The following LRP8 variants were observed in gnomAD, a reference collection of about 807,000 sequenced individuals.
The protein encoded by LRP8 is low-density lipoprotein receptor-related protein 8.
A neutral mutation model predicts 111.6 loss-of-function variants in LRP8; 46 were observed. The observed-to-expected ratio is 0.41, with a 90% CI of 0.33 to 0.53. The LOEUF is 0.53. Ranked by LOEUF, LRP8 falls within the 20% of genes least tolerant of loss-of-function variation. LRP8 has a pLI of 0.20. For missense variants in LRP8, 959 were observed against 1,297.4 expected (o/e 0.74, Z 4.01); for synonymous variants, 464 against 511.2 (o/e 0.91, Z 1.24).
chr1:53,262,394 A>G lies in LRP8; in HGVS notation c.1774+52T>C. The G allele has an allele frequency of 2.6e-6, 4 of 1,566,440 alleles. No homozygotes were observed. Among genetic ancestry groups the G allele is most frequent in the Non-Finnish European group, 3.5e-6 (4 of 1,138,398 alleles). ...AAGACTCATGGAGTTCCAGACAGTG[A>G]TCAGGACAAGGCACTAGAATAGGCC... On this transcript the variant is annotated intron_variant, in intron 11 of 18. Coordinates refer to ENST00000306052, the MANE Select transcript of LRP8 (RefSeq NM_004631.5). This position sits in a 1 kb window ranked among gnomAD's most constrained non-coding sequence, Gnocchi z 4.8.
chr1:53,272,880 C>T (rs1415450379), intron 6 of LRP8, among the ~76,000 whole-genome samples: 1 of 152,228 alleles, frequency 6.6e-6, no homozygotes, highest in Non-Finnish European at 1.5e-5. Context: ...TGCATCCACT[C>T]GCCTCCTTCC....
rs13328658 is a variant in LRP8, at chr1:53,250,719, T to G, written c.2647A>C (p.Thr883Pro). The G allele has an allele frequency of 5.1e-5, 82 of 1,614,016 alleles. No homozygotes were observed. The highest frequency in any genetic ancestry group is 6.7e-5 in the Non-Finnish European group (79 of 1,179,966). ...GGATAGACATGGCCAATCTGAGCAG[T>G]TCTCCCTATATGGAGCTCATCTTCG... Reference protein sequence around the residue: ...EDEDELHIGRTAQIGHVYPAA... With the variant: ...EDEDELHIGRPAQIGHVYPAA... Residue 883 changes from threonine to proline, a missense_variant, in exon 17 of 19, where the codon ACT becomes CCT. Physicochemically the swap from Thr to Pro is conservative, Grantham distance 38. Around this residue, in one of 3 missense-constraint regions of LRP8, gnomAD observed 819 missense variants for 1,097.6 expected, o/e 0.75. Transcript: ENST00000306052. The surrounding 1 kb of genome is among the most constrained non-coding windows in gnomAD (Gnocchi z 4.6).
rs185252155 is a variant in LRP8, at chr1:53,246,673, A to G, written c.*345T>C. ...CAGCAACCAAACATCTTCTGTAAAT[A>G]TAGTTTTTAAATGATGAGTAAGGTA... On this transcript the variant is annotated 3_prime_UTR_variant, in exon 19 of 19. Coordinates refer to ENST00000306052, the MANE Select transcript of LRP8 (RefSeq NM_004631.5). The G allele has an allele frequency of 3.4e-4, 68 of 200,498 alleles. No individual in the cohort carries two copies. The highest frequency in any genetic ancestry group is 2.4e-3 in the Admixed American group (40 of 16,670). 12.4% of individuals were successfully genotyped at this position (200,498 alleles called of 1,614,324 possible). A position where few individuals can be genotyped will look rare whatever the true frequency, so the allele number is the denominator to read the frequency against.
chr1:53,289,076 G>A (rs1317662365), intron 3 of LRP8, among the ~76,000 whole-genome samples: 1 of 152,214 alleles, frequency 6.6e-6, no homozygotes, highest in African/African-American at 2.4e-5. Context: ...GTAGCCTTGG[G>A]CAAGTCACTC....
intron 3 of LRP8, among the ~76,000 whole-genome samples, chr1:53,284,160 G>A (rs1647222864): frequency 1.3e-5 from 1 of 75,686 alleles, no homozygotes; most frequent in Non-Finnish European, 2.5e-5. Context: ...CTACATACCC[G>A]GGCCGCTTAC....
intron 16 of LRP8, among the ~76,000 whole-genome samples, chr1:53,254,881 AAT>A (rs1358070019): frequency 2.6e-5 from 4 of 152,004 alleles, no homozygotes; most frequent in Non-Finnish European, 5.9e-5. Flanking sequence ...GTAGAGTGTG[AAT>A]CGAGGGGTGG....
chr1:53,325,892 G>C (rs568226227), intron 2 of LRP8, among the ~76,000 whole-genome samples: 37 of 152,358 alleles, frequency 2.4e-4, no homozygotes, highest in African/African-American at 7.9e-4. Flanking sequence ...GTCTCTAGGA[G>C]AGCCCTGTTT....
chr1:53,305,314 T>C (rs888048259), intron 2 of LRP8: 1 of 152,194 alleles, frequency 6.6e-6, no homozygotes, highest in African/African-American at 2.4e-5. Context: ...CTAGATCACG[T>C]CTATCAGTGC....
chr1:53,287,526 G>T (rs1647749660), intron 3 of LRP8, among the ~76,000 whole-genome samples: 1 of 152,212 alleles, frequency 6.6e-6, no homozygotes, highest in African/African-American at 2.4e-5. Context: ...AGCTGGAAGA[G>T]CCCACAGGAG....
intron 2 of LRP8, among the ~76,000 whole-genome samples, chr1:53,320,588 C>T (rs188545322): frequency 3.3e-4 from 51 of 152,290 alleles, no homozygotes; most frequent in South Asian, 1.9e-3. Context: ...TCTCAGTTTC[C>T]CCTTCCATAC....
chr1:53,260,714 C>T, intron 12 of LRP8, 109 bp from the exon 13 acceptor site: 1 of 1,077,720 alleles, frequency 9.3e-7, no homozygotes, highest in Non-Finnish European at 1.4e-6. Context: ...GAAATCTCCC[C>T]TGATCTGTCC....
chr1:53,270,715 C>T (rs1188152285), intron 8 of LRP8, among the ~76,000 whole-genome samples: 1 of 152,224 alleles, frequency 6.6e-6, no homozygotes, highest in Non-Finnish European at 1.5e-5. Flanking sequence ...CCCCACTCTG[C>T]GTCACCTTTC....
chr1:53,301,926 C>T (rs774770418), intron 2 of LRP8, among the ~76,000 whole-genome samples: 10 of 152,094 alleles, frequency 6.6e-5, no homozygotes, highest in Non-Finnish European at 1.2e-4. Flanking sequence ...AAAGGAGATG[C>T]GTCTTGGTTA....
In LRP8 at chr1:53,280,636, G is replaced by T; in HGVS notation, c.447C>A (p.Asp149Glu). The T allele has an allele frequency of 6.2e-7, 1 of 1,613,434 alleles. No homozygotes were observed. The change falls in exon 4 of 19, where the codon GAC (aspartate) becomes GAA (glutamate). Residue 149 changes from aspartate (D) to glutamate (E), a missense_variant. By Grantham distance (45) the Asp-to-Glu change is conservative. Around this residue, in one of 3 missense-constraint regions of LRP8, gnomAD observed 819 missense variants for 1,097.6 expected, o/e 0.75. Coordinates refer to ENST00000306052, the MANE Select transcript of LRP8 (RefSeq NM_004631.5). ...HKCVPASWRC[D>E]GEKDCEGGAD... ...CTCCACCCTCGCAGTCCTTCTCCCCGTCGCAGCGCCACGAGGCAGGTACAC... is the reference window on the plus strand; with the variant it reads ...CTCCACCCTCGCAGTCCTTCTCCCCTTCGCAGCGCCACGAGGCAGGTACAC...
In LRP8 at chr1:53,249,353, C is replaced by T; in HGVS notation, c.2853+27G>A. ...GGTTCATGCCCTCACTCACCAGCCC[C>T]TCAGACTTAGAGTGGCACTGCCCTA... On this transcript the variant is annotated intron_variant, in intron 18 of 18. Transcript: ENST00000306052. The surrounding 1 kb of genome is among the most constrained non-coding windows in gnomAD (Gnocchi z 4.1). The T allele has an allele frequency of 6.2e-7, 1 of 1,609,418 alleles. No homozygotes were observed. Among genetic ancestry groups the T allele is most frequent in the Non-Finnish European group, 8.5e-7 (1 of 1,177,298 alleles).
intron 2 of LRP8, among the ~76,000 whole-genome samples, chr1:53,315,636 C>T (rs774349211): frequency 3.3e-5 from 5 of 151,926 alleles, no homozygotes; most frequent in Non-Finnish European, 7.4e-5. Context: ...GGTAGGGGCC[C>T]GTCCTGGGGA....
Position 53,262,556 on chromosome 1 carries a change from T to A in LRP8, c.1664A>T (p.Tyr555Phe), listed in dbSNP as rs1399465064. 1.9e-6 allele frequency: 3 copies of A among 1,613,932 alleles called. No individual in the cohort carries two copies. The highest frequency in any genetic ancestry group is 2.7e-5 in the African/African-American group (2 of 75,048). Residue 555 changes from tyrosine (Y) to phenylalanine (F), a missense_variant, in exon 11 of 19, where the codon TAT (tyrosine) becomes TTT (phenylalanine). Physicochemically the swap from Tyr to Phe is conservative, Grantham distance 22. Coordinates refer to ENST00000306052, the MANE Select transcript of LRP8 (RefSeq NM_004631.5). This position sits in a 1 kb window ranked among gnomAD's most constrained non-coding sequence, Gnocchi z 4.8. ...GGCCTGGTCCCCCCAGTCAGACCAA[T>A]ACATGAACCTAAAAGACAAAATAAC... is the stretch of plus-strand genomic sequence containing the variant. ...IAVDPLRGFM[Y>F]WSDWGDQAKI...
rs1053931361 is a variant in LRP8, at chr1:53,277,071, G to A, written c.504C>T (p.Ala168=). 7 of 1,519,340 alleles carry A rather than the reference G, an allele frequency of 4.6e-6. No homozygotes were observed. In the African/African-American group the frequency reaches 7.1e-5, roughly 15 times the overall value. 94.1% of individuals were successfully genotyped at this position (1,519,340 alleles called of 1,614,324 possible). A position where few individuals can be genotyped will look rare whatever the true frequency, so the allele number is the denominator to read the frequency against. The change falls in exon 5 of 19, where the codon GCC becomes GCT. Residue 168 remains alanine, a synonymous_variant. Coordinates refer to ENST00000306052, the MANE Select transcript of LRP8 (RefSeq NM_004631.5). ...GGTTGCCGCACTGGAACTCGTGCGG[G>A]GCGCACACTGCGCGGGACAGAGAGC... ...ADEAGCATLC[A]PHEFQCGNRS... is the part of the protein sequence containing the mutation.
In LRP8 at chr1:53,276,680, G is replaced by A. The variant is rs761960880; in HGVS notation, c.883+12C>T. On this transcript the variant is annotated intron_variant, in intron 5 of 18. Transcript: ENST00000306052. ...TCCCTGGGCGGGGCTGGGCGGTATG[G>A]AGGGGGCTTACGGCAGTCGGCCTCG... 6.5e-7 allele frequency: 1 copy of A among 1,535,278 alleles called. No individual in the cohort carries two copies. The highest frequency in any genetic ancestry group is 1.2e-5 in the South Asian group (1 of 85,802).
Sources: gnomAD v4.1 joint callset for allele counts (sites outside exome capture counted in the v4.1 genomes callset) on GRCh38, gnomAD v4.1.1 for gene constraint, gnomAD v4.1.1 regional missense constraint, Gnocchi (gnomAD v3.1) non-coding constraint, MANE v1.5 for transcripts, NCBI Gene and HGNC (gene_info 2026-07-23, HGNC 2026-07-21) for gene names.